Variants in NDUFA3 observed in about 807,000 individuals in gnomAD.
NDUFA3 encodes NADH dehydrogenase [ubiquinone] 1 alpha subcomplex subunit 3.
In NDUFA3, 10 loss-of-function variants were observed where a neutral mutation model predicts 11.4. That is an observed-to-expected ratio of 0.87 (90% CI 0.54 to 1.48). The LOEUF (loss-of-function observed/expected upper bound fraction) is 1.48, where lower values mean the gene tolerates loss of function less well. Among genes scored for constraint, NDUFA3 ranks in the 40% most tolerant of loss-of-function variants. NDUFA3 has a pLI of 0.00. For synonymous variants in NDUFA3, 39 were observed against 46.9 expected, an observed-to-expected ratio of 0.83 and a Z score of 0.68; for missense variants, 115 against 110.5, an observed-to-expected ratio of 1.04 and a Z score of -0.18.
intron 2 of NDUFA3, among the ~76,000 whole-genome samples, chr19:54,104,343 G>C (rs2073192456): frequency 6.6e-6 from 1 of 151,110 alleles, no homozygotes; most frequent in African/African-American, 2.4e-5. Flanking sequence ...TCACCATGTT[G>C]GCCAGGCTGG....
In NDUFA3 at chr19:54,104,860, T is replaced by A. The variant is rs1049030624; in HGVS notation, c.86-1074T>A. On this transcript the variant is annotated intron_variant, in intron 2 of 3. Coordinates refer to ENST00000485876, the MANE Select transcript of NDUFA3 (RefSeq NM_004542.4). ...TTCAAGCGATTCTCCTGTCTCAGCC[T>A]CCTTAGTAGCTGGGATTACAGGCGC... 7.9e-5 allele frequency among the ~76,000 whole-genome samples: 12 copies of A among 152,152 alleles called. No homozygotes were observed. In the East Asian group the frequency reaches 2.3e-3, roughly 29 times the overall value.
At position 54,102,999 on chromosome 19, in the gene NDUFA3, G is replaced by C. The variant is rs1412268263; in HGVS notation, c.10+111G>C. 4.5e-6 allele frequency: 7 copies of C among 1,540,504 alleles called. No individual in the cohort carries two copies. In the Admixed American group the frequency reaches 9.6e-5, roughly 21 times the overall value. On this transcript the variant is annotated intron_variant, in intron 1 of 3. Coordinates refer to ENST00000485876, the MANE Select transcript of NDUFA3 (RefSeq NM_004542.4). ...GGGTGGAAGCGATGGGGTCCGTGCT[G>C]GAGGGGAACGCAGAAGTCACGAGGG...
rs587641299 is a variant in NDUFA3, at chr19:54,106,884, G to A, written c.237G>A (p.Glu79=). ...AGGACCCTCAGGGCCCCAGCCTGGA[G>A]TGGCTGAAGAAACTGTGAGCACCTC... is the stretch of plus-strand genomic sequence containing the variant. The part of the protein sequence containing the change: ...HPQDPQGPSL[E]WLKKL The change falls in exon 4 of 4, where the codon GAG becomes GAA. Residue 79 remains glutamate (E), a synonymous_variant. Coordinates refer to ENST00000485876, the MANE Select transcript of NDUFA3 (RefSeq NM_004542.4). 1.2e-5 allele frequency: 20 copies of A among 1,613,402 alleles called. No homozygotes were observed. The Admixed American group carries it at 2.0e-4, about 16-fold the overall frequency.
chr19:54,107,235 A>G lies in NDUFA3; in HGVS notation c.*333A>G, dbSNP rs1217356485. 124 of 1,573,546 alleles carry G rather than the reference A, an allele frequency of 7.9e-5. No homozygotes were observed. Among genetic ancestry groups the G allele is most frequent in the Non-Finnish European group, 7.7e-5 (89 of 1,160,846 alleles). ...TCTAGAAAATCCCATCAGCTTCACC[A>G]TTTTTGTTTTCATTTTGTTTTGCTT... On this transcript the variant is annotated 3_prime_UTR_variant, in exon 4 of 4. Coordinates refer to ENST00000485876, the MANE Select transcript of NDUFA3 (RefSeq NM_004542.4).
At chr19:54,106,371 G>A (rs910117894) in intron 3 of NDUFA3, 18 of 374,080 alleles carry the variant, frequency 4.8e-5, no homozygotes, top group Admixed American at 1.8e-4. Context: ...GGGTTTCACC[G>A]TGTTAGCCAG....
chr19:54,105,030 G>A (rs916516595), intron 2 of NDUFA3, among the ~76,000 whole-genome samples: 9 of 151,958 alleles, frequency 5.9e-5, no homozygotes, highest in Admixed American at 2.6e-4. Context: ...GAGCCACCTC[G>A]CCCATCCAAG....
At position 54,105,264 on chromosome 19, in the gene NDUFA3, C is replaced by CCTTTTTTTTT. The variant is rs1316415018; in HGVS notation, c.86-670_86-669insCTTTTTTTTT. On this transcript the variant is annotated intron_variant, in intron 2 of 3. Transcript: ENST00000485876. ...ACCCTTTCTCCTCCAGTTTGTAAGG[C>CCTTTTTTTTT]TTTTTTTTTTTTTTTTTTTTTGGTG... Among the ~76,000 whole-genome samples the CCTTTTTTTTT allele has an allele frequency of 1.7e-3, 120 of 71,252 alleles. 16 individuals are homozygous for CCTTTTTTTTT. Among genetic ancestry groups the CCTTTTTTTTT allele is most frequent in the Non-Finnish European group, 1.8e-3 (71 of 39,660 alleles). The allele number at this position is 71,252 out of a possible 152,430, so 46.7% of individuals were successfully genotyped here.
At chr19:54,106,291 C>T (rs766478960) in intron 3 of NDUFA3, 27 of 459,676 alleles carry the variant, frequency 5.9e-5, no homozygotes, top group Admixed American at 2.4e-4. Context: ...CTCAGCCTCC[C>T]GAGTAGCTGG....
intron 3 of NDUFA3, 195 bp downstream of exon 3, chr19:54,106,206 G>T (rs45595133): frequency 0.81 from 496,718 of 611,624 alleles, 202,140 homozygotes; most frequent in African/African-American, 0.89. Flanking sequence ...TTTGTTTTTT[G>T]GGGTTTTTTT....
At chr19:54,105,234 G>T (rs1167933658) in intron 2 of NDUFA3, among the ~76,000 whole-genome samples, 1 of 125,884 alleles carries the variant, frequency 7.9e-6, no homozygotes, top group East Asian at 2.3e-4. Flanking sequence ...ACTGTTGTTT[G>T]TGCAACCCTT....
intron 2 of NDUFA3, 28 bp from the exon 3 acceptor site, chr19:54,105,906 T>C (rs750240567): frequency 6.3e-6 from 10 of 1,576,752 alleles, no homozygotes; most frequent in Non-Finnish European, 8.7e-6. Flanking sequence ...CACCTTCCCC[T>C]GGGCCTCACC....
intron 3 of NDUFA3, 169 bp downstream of exon 3, chr19:54,106,180 GTGTT>G: frequency 6.1e-6 from 4 of 651,726 alleles, no homozygotes; most frequent in Non-Finnish European, 1.0e-5. Context: ...ATACTATTCT[GTGTT>G]TGTGCTTCGT....
Position 54,105,916 on chromosome 19 carries a change from C to T in NDUFA3, c.86-18C>T. On this transcript the variant is annotated intron_variant, in intron 2 of 3. Transcript: ENST00000485876. ...AGAGCCACCTTCCCCTGGGCCTCAC[C>T]CCTGTGTCTCTCCACAGCTGTAATT... 6.2e-7 allele frequency: 1 copy of T among 1,600,630 alleles called. No homozygotes were observed. The highest frequency in any genetic ancestry group is 1.1e-5 in the South Asian group (1 of 90,778).
rs182476546 is a variant in NDUFA3, at chr19:54,104,842, G to A, written c.86-1092G>A. 7.6e-3 allele frequency among the ~76,000 whole-genome samples: 1,149 copies of A among 152,018 alleles called. 18 individuals are homozygous for A. Among genetic ancestry groups the A allele is most frequent in the Non-Finnish European group, 0.01 (700 of 67,990 alleles). On this transcript the variant is annotated intron_variant, in intron 2 of 3. Coordinates refer to ENST00000485876, the MANE Select transcript of NDUFA3 (RefSeq NM_004542.4). ...CAACCTCCGCCTCCCGGGTTCAAGC[G>A]ATTCTCCTGTCTCAGCCTCCTTAGT...
intron 2 of NDUFA3, among the ~76,000 whole-genome samples, chr19:54,104,747 TTTTG>T (rs2073205445): frequency 1.3e-5 from 2 of 152,012 alleles, no homozygotes; most frequent in Admixed American, 6.6e-5. Context: ...GTTTGTTTGT[TTTTG>T]TTTTTTTGAG....
Position 54,107,336 on chromosome 19 carries a change from C to T in NDUFA3, c.*434C>T, listed in dbSNP as rs587659544. 4 of 879,330 alleles carry T rather than the reference C, an allele frequency of 4.5e-6. No individual in the cohort carries two copies. Among genetic ancestry groups the T allele is most frequent in the East Asian group, 5.1e-5 (2 of 38,920 alleles). The allele number at this position is 879,330 out of a possible 1,614,324, so 54.5% of individuals were successfully genotyped here. A position where few individuals can be genotyped will look rare whatever the true frequency, so the allele number is the denominator to read the frequency against. On this transcript the variant is annotated 3_prime_UTR_variant, in exon 4 of 4. Coordinates refer to ENST00000485876, the MANE Select transcript of NDUFA3 (RefSeq NM_004542.4). ...CCATCATAGTTCACTGCAGCCTCTG[C>T]CTCCCAGGCTCAAGTGATCCTCCCA... is the stretch of plus-strand genomic sequence containing the variant.
intron 2 of NDUFA3, among the ~76,000 whole-genome samples, chr19:54,103,548 T>C (rs988172116): frequency 2.0e-5 from 3 of 152,154 alleles, no homozygotes; most frequent in Admixed American, 6.6e-5. Context: ...GGAATCTGTG[T>C]CTTGTGAAAA....
At chr19:54,103,392 C>T (rs1237493620) in intron 2 of NDUFA3, among the ~76,000 whole-genome samples, 1 of 152,126 alleles carries the variant, frequency 6.6e-6, no homozygotes, top group Non-Finnish European at 1.5e-5. Context: ...ACCCAATACG[C>T]TCTTAACCCC....
At position 54,107,063 on chromosome 19, in the gene NDUFA3, G is replaced by C; in HGVS notation, c.*161G>C. ...ATTGGGCATGCGTCAGTCAGAGGCT[G>C]GGCTGGCCAGGGTCGGGTAGGGCAG... On this transcript the variant is annotated 3_prime_UTR_variant, in exon 4 of 4. Transcript: ENST00000485876. 4.3e-6 allele frequency: 7 copies of C among 1,613,856 alleles called. No homozygotes were observed. Among genetic ancestry groups the C allele is most frequent in the Non-Finnish European group, 5.9e-6 (7 of 1,179,942 alleles).
Sources: gnomAD v4.1 joint callset for allele counts (sites outside exome capture counted in the v4.1 genomes callset) on GRCh38, gnomAD v4.1.1 for gene constraint, MANE v1.5 for transcripts, NCBI Gene and HGNC (gene_info 2026-07-23, HGNC 2026-07-21) for gene names.